Variants in PDE3B observed in about 807,000 individuals in gnomAD.
PDE3B encodes cGMP-inhibited 3',5'-cyclic phosphodiesterase 3B.
PDE3B carries 66 observed loss-of-function variants against 116.8 expected under a neutral mutation model. That is an observed-to-expected ratio of 0.56 (90% CI 0.46 to 0.69). PDE3B has a LOEUF of 0.69. Among genes scored for constraint, PDE3B ranks in the 30% least tolerant of loss-of-function variants. The pLI, the probability that PDE3B is intolerant of heterozygous loss-of-function variation, is 0.00. For missense variants in PDE3B, 1,384 were observed against 1,368.1 expected (o/e 1.01, Z -0.18); for synonymous variants, 595 against 533.6 (o/e 1.12, Z -1.59).
chr11:14,732,652 T>G (rs1856491167), intron 1 of PDE3B, among the ~76,000 whole-genome samples: 1 of 152,218 alleles, frequency 6.6e-6, no homozygotes, highest in African/African-American at 2.4e-5. Flanking sequence ...CAGTTGTTCC[T>G]TGGTATACAT....
At chr11:14,770,036 G>GAGTT (rs1857594671) in intron 1 of PDE3B, among the ~76,000 whole-genome samples, 1 of 151,406 alleles carries the variant, frequency 6.6e-6, no homozygotes, top group African/African-American at 2.4e-5. Flanking sequence ...CTTCTACTTA[G>GAGTT]AGTTGTGAGT....
chr11:14,780,428 C>G (rs1168133021), intron 2 of PDE3B, among the ~76,000 whole-genome samples: 1 of 152,176 alleles, frequency 6.6e-6, no homozygotes, highest in East Asian at 1.9e-4. Context: ...AAGCACTCCT[C>G]AGCAAATGTA....
intron 7 of PDE3B, among the ~76,000 whole-genome samples, chr11:14,824,472 C>A (rs1335719014): frequency 6.6e-6 from 1 of 152,128 alleles, no homozygotes; most frequent in South Asian, 2.1e-4. Context: ...AGCTGAAAAA[C>A]ACACTACAAG....
At chr11:14,689,978 G>T (rs537765271) in intron 1 of PDE3B, among the ~76,000 whole-genome samples, 1 of 152,228 alleles carries the variant, frequency 6.6e-6, no homozygotes, top group African/African-American at 2.4e-5. Context: ...TTTACATTTA[G>T]TTTGGGAGGC....
At chr11:14,847,981 C>G (rs1156805344) in intron 12 of PDE3B, among the ~76,000 whole-genome samples, 6 of 152,016 alleles carry the variant, frequency 3.9e-5, no homozygotes, top group Non-Finnish European at 8.8e-5. Flanking sequence ...CTCCCCAACT[C>G]ATTTTATGAG....
At chr11:14,891,230 G>A in the PDE3B span, 1 of 985,166 alleles carries the variant, frequency 1.0e-6, no homozygotes, top group Non-Finnish European at 1.2e-6. Context: ...GAATGAGGAG[G>A]AGCGAAGTAC....
At chr11:14,738,391 A>G (rs1180229026) in intron 1 of PDE3B, among the ~76,000 whole-genome samples, 1 of 152,122 alleles carries the variant, frequency 6.6e-6, no homozygotes, top group Non-Finnish European at 1.5e-5. Flanking sequence ...TTTCTGTCAT[A>G]TGTCTGTTGG....
intron 12 of PDE3B, among the ~76,000 whole-genome samples, chr11:14,846,061 A>G (rs574202963): frequency 6.6e-6 from 1 of 152,356 alleles, no homozygotes; most frequent in South Asian, 2.1e-4. Context: ...GTTGAAATGA[A>G]GGAAAAAAAT....
intron 3 of PDE3B, 102 bp from the exon 4 acceptor site, chr11:14,789,003 TA>T: frequency 2.5e-6 from 2 of 792,338 alleles, no homozygotes; most frequent in African/African-American, 1.8e-5. Context: ...CTGTACATGT[TA>T]AAAATATACT....
chr11:14,844,064 T>G (rs1406677835), intron 12 of PDE3B, 38 bp downstream of exon 12: 1 of 1,505,524 alleles, frequency 6.6e-7, no homozygotes, highest in African/African-American at 1.4e-5. Context: ...AGAGTAATTC[T>G]GAAATTTTCA....
chr11:14,714,247 T>G (rs765708752), intron 1 of PDE3B, among the ~76,000 whole-genome samples: 1 of 152,030 alleles, frequency 6.6e-6, no homozygotes, highest in Non-Finnish European at 1.5e-5. Flanking sequence ...TATATGTGTG[T>G]GTCTTGCTAT....
At chr11:14,667,761 C>T (rs954593407) in intron 1 of PDE3B, among the ~76,000 whole-genome samples, 1 of 151,456 alleles carries the variant, frequency 6.6e-6, no homozygotes, top group Non-Finnish European at 1.5e-5. Context: ...ATGGGTGCAG[C>T]ACAGCAACAT....
intron 11 of PDE3B, among the ~76,000 whole-genome samples, chr11:14,843,129 A>C (rs1162067896): frequency 6.6e-6 from 1 of 152,232 alleles, no homozygotes; most frequent in East Asian, 1.9e-4. Context: ...CCACCAAAAA[A>C]GAAGAAATCA....
downstream of PDE3B, among the ~76,000 whole-genome samples, chr11:14,876,151 T>G (rs1555009672): frequency 6.6e-6 from 1 of 152,122 alleles, no homozygotes; most frequent in African/African-American, 2.4e-5. Flanking sequence ...TAGGAGGCCC[T>G]GGGATGAGAG....
the PDE3B span, among the ~76,000 whole-genome samples, chr11:14,893,822 C>G: frequency 1.3e-5 from 2 of 152,144 alleles, no homozygotes; most frequent in Non-Finnish European, 2.9e-5. Flanking sequence ...TTCTTCTTGC[C>G]ATGAAACCTA....
Position 14,786,509 on chromosome 11 carries a change from A to G in PDE3B, c.1102A>G (p.Thr368Ala). The G allele has an allele frequency of 6.2e-7, 1 of 1,612,808 alleles. No individual in the cohort carries two copies. The highest frequency in any genetic ancestry group is 8.5e-7 in the Non-Finnish European group (1 of 1,179,006). ...TCGCAATATGGTGTCAGATCTTCTG[A>G]CTGATCCAAGCCTTCCACCACAAGT... The part of the protein sequence containing the change: ...EARNMVSDLL[T>A]DPSLPPQVIS... The change falls in exon 3 of 16, where the codon ACT (threonine) becomes GCT (alanine). Residue 368 changes from threonine (T) to alanine (A), a missense_variant. By Grantham distance (58) the Thr-to-Ala change is moderately conservative (BLOSUM62 0). This residue lies in a region of PDE3B where 956 missense variants were observed against 806.8 expected (regional missense o/e 1.18). Coordinates refer to ENST00000282096, the MANE Select transcript of PDE3B (RefSeq NM_000922.4).
intron 4 of PDE3B, among the ~76,000 whole-genome samples, chr11:14,794,206 G>A (rs1271431698): frequency 6.6e-6 from 1 of 152,170 alleles, no homozygotes; most frequent in Non-Finnish European, 1.5e-5. Flanking sequence ...GATACCAGAT[G>A]TGTGGGGATT....
intron 1 of PDE3B, among the ~76,000 whole-genome samples, chr11:14,764,961 A>G (rs755961633): frequency 5.7e-4 from 86 of 151,780 alleles, no homozygotes; most frequent in Non-Finnish European, 1.5e-4. Flanking sequence ...TGCACTTTAA[A>G]CAATTAGGAA....
chr11:14,721,860 G>T (rs1409281413), intron 1 of PDE3B, among the ~76,000 whole-genome samples: 4 of 136,450 alleles, frequency 2.9e-5, no homozygotes, highest in Admixed American at 7.6e-5. Context: ...CACCAGCATG[G>T]CACATGTATA....
Sources: gnomAD v4.1 joint callset for allele counts (sites outside exome capture counted in the v4.1 genomes callset) on GRCh38, gnomAD v4.1.1 for gene constraint, gnomAD v4.1.1 regional missense constraint, MANE v1.5 for transcripts, NCBI Gene and HGNC (gene_info 2026-07-23, HGNC 2026-07-21) for gene names.